TET3: variants seen among roughly 807,000 people sequenced by gnomAD.
TET3 encodes methylcytosine dioxygenase TET3.
In TET3, 19 loss-of-function variants were observed where a neutral mutation model predicts 141.4. The observed-to-expected ratio is 0.13, with a 90% confidence interval of 0.09 to 0.20. The LOEUF (loss-of-function observed/expected upper bound fraction) is 0.20, where lower values mean the gene tolerates loss of function less well. Among genes scored for constraint, TET3 ranks in the 10% least tolerant of loss-of-function variants. TET3 has a pLI of 1.00. For synonymous variants in TET3, 1,043 were observed against 980.9 expected (o/e 1.06, Z -1.18); for missense variants, 1,874 against 2,356.9 (o/e 0.80, Z 4.24).
In TET3 at chr2:74,100,939, C is replaced by T; in HGVS notation, c.4151C>T (p.Pro1384Leu). ...LLHSVSRDPS[P>L]FAQSSNCYNR... ...CACTCAGTGTCCAGGGACCCCTCCC[C>T]CTTTGCCCAGAGCTCCAACTGCTAC... Residue 1384 changes from proline to leucine, a missense_variant, in exon 12 of 12, where the codon CCC (proline) becomes CTC (leucine). Pro to Leu is a moderately conservative substitution (Grantham distance 98). Coordinates refer to ENST00000409262, the MANE Select transcript of TET3 (RefSeq NM_001287491.2). 5.6e-6 allele frequency: 9 copies of T among 1,610,980 alleles called. No homozygotes were observed. Among genetic ancestry groups the T allele is most frequent in the Non-Finnish European group, 7.6e-6 (9 of 1,178,768 alleles).
chr2:74,093,038 C>T lies in TET3; in HGVS notation c.3129+47C>T. On this transcript the variant is annotated intron_variant, in intron 9 of 11. Coordinates refer to ENST00000409262, the MANE Select transcript of TET3 (RefSeq NM_001287491.2). This position sits in a 1 kb window ranked among gnomAD's most constrained non-coding sequence, Gnocchi z 4.2. ...GCTGCCCACATGTCACCGTCCACAT[C>T]TCTGCTCAGGCTCTGAAGGTGGGAA... is the stretch of plus-strand genomic sequence containing the variant. 6.6e-7 allele frequency: 1 copy of T among 1,511,518 alleles called. No homozygotes were observed. The highest frequency in any genetic ancestry group is 2.5e-5 in the East Asian group (1 of 40,664). The allele number at this position is 1,511,518 out of a possible 1,614,324, so 93.6% of individuals were successfully genotyped here. A position where few individuals can be genotyped will look rare whatever the true frequency, so the allele number is the denominator to read the frequency against.
intron 2 of TET3, among the ~76,000 whole-genome samples, chr2:73,989,278 A>T (rs1459583993): frequency 6.6e-6 from 1 of 152,032 alleles, no homozygotes; most frequent in Non-Finnish European, 1.5e-5. Flanking sequence ...GTGGGGCGGG[A>T]CGCAGTATCC....
the TET3 span, among the ~76,000 whole-genome samples, chr2:74,133,411 C>T: frequency 6.6e-6 from 1 of 152,234 alleles, no homozygotes; most frequent in African/African-American, 2.4e-5. Flanking sequence ...GTGGCTGTGG[C>T]TCAACCTGCA....
chr2:73,989,307 C>G (rs961486242), intron 2 of TET3, among the ~76,000 whole-genome samples: 10 of 152,160 alleles, frequency 6.6e-5, no homozygotes, highest in African/African-American at 2.4e-4. Flanking sequence ...TCTCGGACAT[C>G]AGACCATTTA....
intron 3 of TET3, among the ~76,000 whole-genome samples, chr2:74,037,151 TG>T (rs1391326437): frequency 1.3e-5 from 2 of 152,190 alleles, no homozygotes; most frequent in Non-Finnish European, 2.9e-5. Flanking sequence ...AGTGTGCCCA[TG>T]GGCACACACT....
At chr2:74,069,486 G>C (rs1324170153) in intron 4 of TET3, among the ~76,000 whole-genome samples, 1 of 151,414 alleles carries the variant, frequency 6.6e-6, no homozygotes, top group Non-Finnish European at 1.5e-5. Context: ...CATTCACATA[G>C]AGTTTAATGA....
At chr2:73,984,190 CCCT>C (rs1478603381), upstream of TET3, among the ~76,000 whole-genome samples, 1 of 152,246 alleles carries the variant, frequency 6.6e-6, no homozygotes, top group African/African-American at 2.4e-5. The surrounding 1 kb of genome is among the most constrained non-coding windows in gnomAD (Gnocchi z 5.6). Context: ...CGCCCGTTCC[CCCT>C]CCTCTGGGAG....
chr2:74,080,437 C>A, intron 5 of TET3, 61 bp from the exon 6 acceptor site: 3 of 1,493,572 alleles, frequency 2.0e-6, no homozygotes, highest in Middle Eastern at 1.7e-4. Context: ...GTCTTCTGAC[C>A]AAAAGTTGTT....
chr2:74,122,132 A>G, the TET3 span: 8 of 152,270 alleles, frequency 5.3e-5, no homozygotes, highest in East Asian at 1.2e-3. Flanking sequence ...AAGAAATGGC[A>G]TAACAAAAAT....
intron 4 of TET3, among the ~76,000 whole-genome samples, chr2:74,052,928 A>G (rs1290039289): frequency 6.6e-6 from 1 of 152,188 alleles, no homozygotes; most frequent in African/African-American, 2.4e-5. Flanking sequence ...TAATTTTGCC[A>G]AATAAGCAAT....
intron 10 of TET3, among the ~76,000 whole-genome samples, chr2:74,094,743 T>C (rs1181308188): frequency 4.6e-5 from 7 of 152,166 alleles, no homozygotes; most frequent in African/African-American, 1.2e-4. Flanking sequence ...TGGATTGTTA[T>C]GTGAGCAGGA....
In TET3 at chr2:74,048,005, C is replaced by T. The variant is rs1687739136; in HGVS notation, c.2088C>T (p.Ser696=). The change falls in exon 4 of 12, where the codon TCC becomes TCT. Residue 696 remains serine (S), a synonymous_variant. Coordinates refer to ENST00000409262, the MANE Select transcript of TET3 (RefSeq NM_001287491.2). The part of the protein sequence containing the change: ...PSPMTALQPG[S]TGPLPPADDK... ...CCATGACAGCCTTGCAGCCAGGCTC[C>T]ACTGGCCCTCTTCCCCCTGCCGATG... 1 of 1,608,912 alleles carries T rather than the reference C, an allele frequency of 6.2e-7. No individual in the cohort carries two copies. The highest frequency in any genetic ancestry group is 1.7e-5 in the Admixed American group (1 of 59,460).
chr2:74,130,201 C>T, the TET3 span, among the ~76,000 whole-genome samples: 3 of 152,110 alleles, frequency 2.0e-5, no homozygotes, highest in Non-Finnish European at 4.4e-5. Context: ...GAAAAGAACC[C>T]GTCGGGCATC....
chr2:74,098,596 C>T (rs114751782), intron 10 of TET3, among the ~76,000 whole-genome samples: 28,880 of 139,324 alleles, frequency 0.21, 3,072 homozygotes, highest in East Asian at 0.43. Context: ...AAAGGAAACT[C>T]TTTTTTTTTT....
intron 4 of TET3, among the ~76,000 whole-genome samples, chr2:74,052,492 G>T (rs899018335): frequency 6.8e-6 from 1 of 146,350 alleles, no homozygotes; most frequent in Non-Finnish European, 1.5e-5. Context: ...ACTCCATGAA[G>T]CCATCTAAGA....
chr2:74,051,588 C>T lies in TET3; in HGVS notation c.2494+3177C>T, dbSNP rs145057234. On this transcript the variant is annotated intron_variant, in intron 4 of 11. Coordinates refer to ENST00000409262, the MANE Select transcript of TET3 (RefSeq NM_001287491.2). ...AAGGTGGATTGGTGAAGGGTGATAA[C>T]CCTGTGGTAGGAGACCCGTTAGGAA... is the stretch of plus-strand genomic sequence containing the variant. Among the ~76,000 whole-genome samples the T allele has an allele frequency of 3.3e-5, 5 of 152,278 alleles. No homozygotes were observed. In the East Asian group the frequency reaches 9.6e-4, roughly 29 times the overall value.
At chr2:73,989,352 T>G (rs1010862756) in intron 2 of TET3, among the ~76,000 whole-genome samples, 1 of 152,194 alleles carries the variant, frequency 6.6e-6, no homozygotes, top group African/African-American at 2.4e-5. Flanking sequence ...TCCTCCTCTC[T>G]GTGAGAGTGC....
intron 4 of TET3, among the ~76,000 whole-genome samples, chr2:74,060,512 A>T (rs1014919271): frequency 3.3e-5 from 5 of 151,560 alleles, no homozygotes; most frequent in Non-Finnish European, 4.4e-5. Flanking sequence ...TCATAAAAAC[A>T]TTTTTTTTTA....
rs919700880 is a variant in TET3, at chr2:74,106,813, C to A, written c.*4637C>A. The A allele has an allele frequency of 6.5e-6, 1 of 152,844 alleles. No homozygotes were observed. The highest frequency in any genetic ancestry group is 6.5e-5 in the Admixed American group (1 of 15,276). The allele number at this position is 152,844 out of a possible 1,614,324, so 9.5% of individuals were successfully genotyped here. On this transcript the variant is annotated 3_prime_UTR_variant, in exon 12 of 12. Transcript: ENST00000409262. ...AAGTAGATTCCATGAGGGTCTGATA[C>A]CTGCAGGTTGTCCGTCTGATGACAT... is the stretch of plus-strand genomic sequence containing the variant.
Sources: allele counts gnomAD v4.1 joint callset (sites outside exome capture counted in the v4.1 genomes callset), GRCh38; gene constraint gnomAD v4.1.1; non-coding constraint Gnocchi (gnomAD v3.1); transcripts MANE v1.5; gene names NCBI Gene and HGNC (gene_info 2026-07-23, HGNC 2026-07-21).